TMEM266: variants seen among roughly 807,000 people sequenced by gnomAD.
The protein encoded by TMEM266 is transmembrane protein 266.
In TMEM266, 33 loss-of-function variants were observed where a neutral mutation model predicts 50.5. The ratio of observed to expected loss-of-function variants is 0.65; its 90% CI spans 0.50 to 0.87. The LOEUF (loss-of-function observed/expected upper bound fraction) is 0.87. TMEM266 is among the 40% of genes least tolerant of loss of function. The probability of loss-of-function intolerance (pLI) is 0.00; values close to 1 mark genes in which losing one functional copy is unlikely to be tolerated. For missense variants in TMEM266, 655 were observed against 695.1 expected (o/e 0.94, Z 0.65); for synonymous variants, 310 against 292.3 (o/e 1.06, Z -0.62).
chr15:76,203,810 TCTC>T lies in TMEM266; in HGVS notation c.1095_1097del (p.Ser366del), dbSNP rs768290078. ...GCAATAGACATTCACCAGCCCAACATCTCCTCGGACCTCTTCTCTCTGGACATG... is the reference window on the plus strand; with the variant it reads ...GCAATAGACATTCACCAGCCCAACATCTCGGACCTCTTCTCTCTGGACATG... On this transcript the variant is annotated inframe_deletion, in exon 11 of 11. Transcript: ENST00000388942. 4.3e-6 allele frequency: 7 copies of T among 1,614,056 alleles called. No homozygotes were observed. The highest frequency in any genetic ancestry group is 5.9e-6 in the Non-Finnish European group (7 of 1,179,986).
chr15:76,114,569 TG>T (rs2037219549), intron 1 of TMEM266, among the ~76,000 whole-genome samples: 1 of 152,210 alleles, frequency 6.6e-6, no homozygotes, highest in Non-Finnish European at 1.5e-5. Context: ...CACACTATAT[TG>T]TTTTGTTTTG....
chr15:76,082,002 A>T (rs77172589), intron 1 of TMEM266, among the ~76,000 whole-genome samples: 144 of 152,210 alleles, frequency 9.5e-4, no homozygotes, highest in African/African-American at 3.3e-3. Flanking sequence ...TGATCTTTGT[A>T]TTCTCAATTC....
intron 8 of TMEM266, chr15:76,191,597 A>G (rs991173996): frequency 9.0e-5 from 16 of 177,592 alleles, no homozygotes; most frequent in Non-Finnish European, 1.6e-4. Context: ...GTTGTCGAGC[A>G]CCCCTTGGGG....
At position 76,169,857 on chromosome 15, in the gene TMEM266, C is replaced by A; in HGVS notation, c.498C>A (p.Ile166=). The A allele has an allele frequency of 2.5e-6, 4 of 1,613,724 alleles. No individual in the cohort carries two copies. Among genetic ancestry groups the A allele is most frequent in the Non-Finnish European group, 3.4e-6 (4 of 1,179,816 alleles). Residue 166 remains isoleucine, a synonymous_variant, in exon 6 of 11, where the codon ATC becomes ATA. Transcript: ENST00000388942. ...TGGTGCTTGGGATCTGGGATTACAT[C>A]GAAAACAAAATAGAGGTAAAGACCA... is the stretch of plus-strand genomic sequence containing the variant.
intron 6 of TMEM266, among the ~76,000 whole-genome samples, chr15:76,170,391 GCTCAGTGCTGGGATCTGA>G (rs2038169048): frequency 6.6e-6 from 1 of 152,166 alleles, no homozygotes; most frequent in South Asian, 2.1e-4. Context: ...AGCCTCTTTG[GCTCAGTGCTGGGATCTGA>G]CACAGTGCTG....
intron 1 of TMEM266, among the ~76,000 whole-genome samples, chr15:76,120,468 AAGGAAAGAT>A (rs1419801224): frequency 6.6e-6 from 1 of 152,148 alleles, no homozygotes; most frequent in Non-Finnish European, 1.5e-5. Context: ...AAAGAAAAGT[AAGGAAAGAT>A]AGGCCGGGTG....
At chr15:76,135,800 A>G (rs1420391164) in intron 2 of TMEM266, among the ~76,000 whole-genome samples, 1 of 152,246 alleles carries the variant, frequency 6.6e-6, no homozygotes, top group East Asian at 1.9e-4. Context: ...ATTAGAAATT[A>G]CTTGGTGAAT....
chr15:76,124,420 A>G (rs1262806606), intron 1 of TMEM266, among the ~76,000 whole-genome samples: 3 of 152,188 alleles, frequency 2.0e-5, no homozygotes, highest in East Asian at 1.9e-4. Context: ...ACGATATCCT[A>G]TGTTCATAGA....
intron 7 of TMEM266, among the ~76,000 whole-genome samples, chr15:76,173,761 C>T (rs190055228): frequency 2.0e-5 from 3 of 151,820 alleles, no homozygotes; most frequent in African/African-American, 7.3e-5. Context: ...TGTGAAACCC[C>T]GTCTCTACTA....
chr15:76,153,585 C>T lies in TMEM266; in HGVS notation c.228-3019C>T, dbSNP rs2037875834. On this transcript the variant is annotated intron_variant, in intron 3 of 10. Coordinates refer to ENST00000388942, the MANE Select transcript of TMEM266 (RefSeq NM_152335.3). This position sits in a 1 kb window ranked among gnomAD's most constrained non-coding sequence, Gnocchi z 4.2. Reference sequence around the variant, plus strand: ...GGTGTCCTTGGGCCCTAGAAAAGACCATGCTAGAGCTGTGGGGGAGGAGTG... The same window carrying T: ...GGTGTCCTTGGGCCCTAGAAAAGACTATGCTAGAGCTGTGGGGGAGGAGTG... Among the ~76,000 whole-genome samples the T allele has an allele frequency of 6.6e-6, 1 of 152,074 alleles. No individual in the cohort carries two copies. The highest frequency in any genetic ancestry group is 6.6e-5 in the Admixed American group (1 of 15,264).
In TMEM266 at chr15:76,189,748, A is replaced by G. The variant is rs556428108; in HGVS notation, c.769-2220A>G. Reference sequence around the variant, plus strand: ...AGTCAAGGGGTTTGTCCTTGGGAGAAAATGAACCAGGGGGCTCTGCATGTG... The same window carrying G: ...AGTCAAGGGGTTTGTCCTTGGGAGAGAATGAACCAGGGGGCTCTGCATGTG... On this transcript the variant is annotated intron_variant, in intron 8 of 10. Transcript: ENST00000388942. Among the ~76,000 whole-genome samples, 6 of 152,348 alleles carry G rather than the reference A, an allele frequency of 3.9e-5. No homozygotes were observed. In the East Asian group the frequency reaches 1.2e-3, roughly 29 times the overall value.
chr15:76,194,322 A>G (rs889216729), intron 9 of TMEM266, among the ~76,000 whole-genome samples: 5 of 152,112 alleles, frequency 3.3e-5, no homozygotes, highest in African/African-American at 1.2e-4. Context: ...CCCCTTCTTC[A>G]TCTTCATCGT....
intron 1 of TMEM266, among the ~76,000 whole-genome samples, chr15:76,089,113 AAG>A (rs1293001262): frequency 6.7e-6 from 1 of 150,032 alleles, no homozygotes; most frequent in Non-Finnish European, 1.5e-5. Flanking sequence ...AAAAAAAAAA[AAG>A]AGGAAAAAGA....
chr15:76,132,034 G>A (rs2037516227), intron 1 of TMEM266, among the ~76,000 whole-genome samples: 1 of 152,000 alleles, frequency 6.6e-6, no homozygotes, highest in African/African-American at 2.4e-5. Context: ...CTTCTGCTGG[G>A]TTGCCCTGTC....
chr15:76,120,229 A>G (rs961056125), intron 1 of TMEM266, among the ~76,000 whole-genome samples: 1 of 152,164 alleles, frequency 6.6e-6, no homozygotes, highest in African/African-American at 2.4e-5. Context: ...AAAATCTAAA[A>G]AGAAACCGTA....
At chr15:76,117,327 G>A (rs76358119) in intron 1 of TMEM266, among the ~76,000 whole-genome samples, 1,788 of 151,808 alleles carry the variant, frequency 0.012, 37 homozygotes, top group African/African-American at 0.041. Flanking sequence ...AGGTCATCAC[G>A]TGCCGTACCA....
chr15:76,120,925 TAATC>T (rs1268224700), intron 1 of TMEM266, among the ~76,000 whole-genome samples: 13 of 152,272 alleles, frequency 8.5e-5, no homozygotes, highest in Middle Eastern at 6.8e-3. Flanking sequence ...AATTTCATGA[TAATC>T]AATTTATATA....
chr15:76,201,345 A>G (rs549178133), intron 9 of TMEM266, among the ~76,000 whole-genome samples: 1 of 151,006 alleles, frequency 6.6e-6, no homozygotes, highest in Admixed American at 6.6e-5. Flanking sequence ...GAAAATCTCA[A>G]CTCTCCTCCC....
At chr15:76,125,926 C>A (rs1018362038) in intron 1 of TMEM266, among the ~76,000 whole-genome samples, 1 of 150,954 alleles carries the variant, frequency 6.6e-6, no homozygotes, top group African/African-American at 2.4e-5. Flanking sequence ...AGGAGACACA[C>A]GAATGGCCAA....
Sources: gnomAD v4.1 joint callset for allele counts (sites outside exome capture counted in the v4.1 genomes callset) on GRCh38, gnomAD v4.1.1 for gene constraint, Gnocchi (gnomAD v3.1) non-coding constraint, MANE v1.5 for transcripts, NCBI Gene and HGNC (gene_info 2026-07-23, HGNC 2026-07-21) for gene names.